Variants in ARMC3 observed in about 807,000 individuals in gnomAD.
ARMC3 encodes armadillo repeat containing 3.
A neutral mutation model predicts 90.3 loss-of-function variants in ARMC3; 74 were observed. The observed-to-expected ratio is 0.82, with a 90% confidence interval of 0.68 to 0.99. The LOEUF (loss-of-function observed/expected upper bound fraction) is 0.99. ARMC3 is among the 50% of genes least tolerant of loss of function. ARMC3 has a pLI of 0.00. For missense variants in ARMC3, 958 were observed against 1,042.8 expected (o/e 0.92, Z 1.12); for synonymous variants, 334 against 361.8 (o/e 0.92, Z 0.87).
chr10:22,976,211 T>C (rs1194531057), intron 8 of ARMC3, among the ~76,000 whole-genome samples: 1 of 152,206 alleles, frequency 6.6e-6, no homozygotes, highest in Non-Finnish European at 1.5e-5. Flanking sequence ...TTTCTTCCTC[T>C]CTTCCCCTTG....
intron 2 of ARMC3, among the ~76,000 whole-genome samples, chr10:22,938,393 T>A (rs1834194219): frequency 6.6e-6 from 1 of 152,120 alleles, no homozygotes. Flanking sequence ...AAAAGGAGAA[T>A]TCGTTGGAAG....
chr10:23,037,495 C>T lies in ARMC3; in HGVS notation c.*16C>T. 1.2e-6 allele frequency: 2 copies of T among 1,600,526 alleles called. No homozygotes were observed. Among genetic ancestry groups the T allele is most frequent in the Middle Eastern group, 1.7e-4 (1 of 5,990 alleles). On this transcript the variant is annotated 3_prime_UTR_variant, in exon 19 of 19. Transcript: ENST00000298032. ...ATTCATTTAAGCCATCAGACGAACA[C>T]AAGAGAGGCTCAAACAAGAAATTCA... is the stretch of plus-strand genomic sequence containing the variant.
chr10:22,962,092 T>A lies in ARMC3; in HGVS notation c.732+14T>A, dbSNP rs1835224198. The A allele has an allele frequency of 6.6e-7, 1 of 1,505,250 alleles. No homozygotes were observed. The highest frequency in any genetic ancestry group is 8.9e-7 in the Non-Finnish European group (1 of 1,118,200). The allele number at this position is 1,505,250 out of a possible 1,614,324, so 93.2% of individuals were successfully genotyped here. A position where few individuals can be genotyped will look rare whatever the true frequency, so the allele number is the denominator to read the frequency against. On this transcript the variant is annotated intron_variant, in intron 7 of 18. Coordinates refer to ENST00000298032, the MANE Select transcript of ARMC3 (RefSeq NM_173081.5). ...CTAGAAACTAAGGTATTTAGTTTCA[T>A]TCATTCCACCCTCTATGAGGAAATG...
At chr10:22,976,405 C>A (rs1354578358) in intron 8 of ARMC3, among the ~76,000 whole-genome samples, 2 of 152,218 alleles carry the variant, frequency 1.3e-5, no homozygotes, top group Non-Finnish European at 2.9e-5. Context: ...CGAAATCCTG[C>A]AGAGGCATTT....
intron 16 of ARMC3, among the ~76,000 whole-genome samples, chr10:23,029,862 G>GT (rs201538457): frequency 0.023 from 3,524 of 151,676 alleles, 123 homozygotes; most frequent in African/African-American, 0.08. Context: ...CATTTTGTAG[G>GT]TTTTTTTTGC....
chr10:22,929,423 A>G (rs1833847000), intron 1 of ARMC3, among the ~76,000 whole-genome samples: 1 of 152,172 alleles, frequency 6.6e-6, no homozygotes, highest in Non-Finnish European at 1.5e-5. Context: ...TGTTTTCCAA[A>G]TTCTCCACAG....
At chr10:22,994,906 A>G (rs1331410922) in intron 10 of ARMC3, among the ~76,000 whole-genome samples, 1 of 152,208 alleles carries the variant, frequency 6.6e-6, no homozygotes, top group Non-Finnish European at 1.5e-5. Flanking sequence ...ATACATTCCC[A>G]TATTTGTTTT....
chr10:22,961,175 G>A (rs989626580), intron 6 of ARMC3: 1 of 152,204 alleles, frequency 6.6e-6, no homozygotes, highest in Non-Finnish European at 1.5e-5. Context: ...ACAGGGGAAA[G>A]CTAAGCTATA....
Position 23,006,975 on chromosome 10 carries a change from C to A in ARMC3, c.1823C>A (p.Ser608Tyr). 1 of 1,605,036 alleles carries A rather than the reference C, an allele frequency of 6.2e-7. No homozygotes were observed. Among genetic ancestry groups the A allele is most frequent in the South Asian group, 1.1e-5 (1 of 89,680 alleles). ...LRAVLLINSK[S>Y]YVSPPSSMED... ...GCTGTACTCTTAATCAACAGTAAAT[C>A]TTACGTGTGAGTCTCTGCAGGGAGA... Residue 608 changes from serine (S) to tyrosine (Y), a missense_variant, in exon 14 of 19, where the codon TCT becomes TAT. By Grantham distance (144) the Ser-to-Tyr change is moderately radical. Coordinates refer to ENST00000298032, the MANE Select transcript of ARMC3 (RefSeq NM_173081.5).
intron 5 of ARMC3, 74 bp downstream of exon 5, chr10:22,959,212 A>T: frequency 7.0e-7 from 1 of 1,425,366 alleles, no homozygotes; most frequent in Non-Finnish European, 9.9e-7. Context: ...TATATTGAAA[A>T]TCATTCATGA....
intron 8 of ARMC3, 60 bp downstream of exon 8, chr10:22,968,549 G>T (rs914588426): frequency 2.1e-6 from 3 of 1,431,656 alleles, no homozygotes; most frequent in African/African-American, 1.4e-5. Flanking sequence ...TCTCAGGCTG[G>T]AGTGCTGTGG....
chr10:22,991,797 T>A (rs534661972), intron 10 of ARMC3, among the ~76,000 whole-genome samples: 8 of 152,300 alleles, frequency 5.3e-5, no homozygotes, highest in Admixed American at 3.9e-4. Flanking sequence ...CGCAGGGATT[T>A]TTTTTTGTTT....
chr10:23,024,706 A>G (rs1407709997), intron 16 of ARMC3, among the ~76,000 whole-genome samples: 2 of 152,174 alleles, frequency 1.3e-5, no homozygotes, highest in African/African-American at 2.4e-5. Context: ...AAAGCCATAA[A>G]TAAGTCAAGA....
chr10:23,027,078 T>A (rs1638406871), intron 16 of ARMC3, among the ~76,000 whole-genome samples: 1 of 152,208 alleles, frequency 6.6e-6, no homozygotes, highest in African/African-American at 2.4e-5. Context: ...TTTTTCTTTG[T>A]CAAGATTGAT....
chr10:23,034,113 C>G (rs779982425), intron 18 of ARMC3, among the ~76,000 whole-genome samples: 5 of 152,036 alleles, frequency 3.3e-5, no homozygotes, highest in African/African-American at 7.2e-5. Flanking sequence ...TATTCCCTTT[C>G]CTATTCCCTT....
At chr10:23,028,267 C>T (rs1392893545) in intron 16 of ARMC3, among the ~76,000 whole-genome samples, 1 of 152,072 alleles carries the variant, frequency 6.6e-6, no homozygotes, top group African/African-American at 2.4e-5. Flanking sequence ...GCTATTAAAC[C>T]CATTTAGGTA....
chr10:22,976,512 CT>C (rs954218523), intron 8 of ARMC3, among the ~76,000 whole-genome samples: 1 of 152,184 alleles, frequency 6.6e-6, no homozygotes, highest in African/African-American at 2.4e-5. Flanking sequence ...CAAAACACCC[CT>C]CTCTCCTGAT....
intron 13 of ARMC3, among the ~76,000 whole-genome samples, chr10:23,004,975 G>A (rs544635509): frequency 1.7e-4 from 21 of 127,040 alleles, no homozygotes; most frequent in Non-Finnish European, 9.8e-5. Flanking sequence ...CCAGCACTTT[G>A]GGAGGCCGAG....
intron 10 of ARMC3, among the ~76,000 whole-genome samples, chr10:22,996,506 G>T (rs1836964854): frequency 1.3e-5 from 2 of 152,186 alleles, no homozygotes; most frequent in South Asian, 4.1e-4. Flanking sequence ...CCACAGAAGG[G>T]TTAAATGTAC....
Sources: gnomAD v4.1 joint callset for allele counts (sites outside exome capture counted in the v4.1 genomes callset) on GRCh38, gnomAD v4.1.1 for gene constraint, MANE v1.5 for transcripts, NCBI Gene and HGNC (gene_info 2026-07-23, HGNC 2026-07-21) for gene names.